The following ANKFN1 variants were observed in gnomAD, a reference collection of about 807,000 sequenced individuals.
The protein encoded by ANKFN1 is ankyrin repeat and fibronectin type III domain containing 1.
In ANKFN1, 74 loss-of-function variants were observed where a neutral mutation model predicts 108.7. That is an observed-to-expected ratio of 0.68 (90% CI 0.56 to 0.83). ANKFN1 has a LOEUF of 0.83. ANKFN1 is among the 40% of genes least tolerant of loss of function. ANKFN1 has a pLI of 0.00. For synonymous variants in ANKFN1, 547 were observed against 516.2 expected, an observed-to-expected ratio of 1.06 and a Z score of -0.81; for missense variants, 1,505 against 1,382.3, an observed-to-expected ratio of 1.09 and a Z score of -1.41.
At chr17:56,258,179 T>A (rs933658564) in intron 3 of ANKFN1, 2 of 152,248 alleles carry the variant, frequency 1.3e-5, no homozygotes, top group Non-Finnish European at 2.9e-5. Flanking sequence ...TTATTTGCCA[T>A]GAAATCTTCA....
At chr17:56,208,424 C>T (rs1231878750) in intron 1 of ANKFN1, among the ~76,000 whole-genome samples, 1 of 152,170 alleles carries the variant, frequency 6.6e-6, no homozygotes, top group African/African-American at 2.4e-5. Context: ...ACTTCACCCC[C>T]TCCCTGCCCC....
At chr17:56,050,648 G>A (rs1290169711) in intron 4 of ANKFN1, among the ~76,000 whole-genome samples, 3 of 151,350 alleles carry the variant, frequency 2.0e-5, no homozygotes, top group Admixed American at 2.0e-4. Flanking sequence ...ATTAAATAGG[G>A]AATCCTTTCC....
At chr17:56,101,610 C>T (rs868518486) in intron 4 of ANKFN1, among the ~76,000 whole-genome samples, 8 of 152,222 alleles carry the variant, frequency 5.3e-5, no homozygotes, top group African/African-American at 1.7e-4. Context: ...CAACCTGTCA[C>T]TGGCACAACC....
rs910399999 is a variant in ANKFN1, at chr17:56,077,604, A to G, written c.288+31279A>G. ...TTTTCACATTTGGCTTATTTTGTGC[A>G]TTTTCTAAACCAGTCTTTACTCCCC... On this transcript the variant is annotated intron_variant, in intron 4 of 12. Coordinates refer to the ANKFN1 transcript ENST00000635860. 2.0e-5 allele frequency among the ~76,000 whole-genome samples: 3 copies of G among 152,188 alleles called. 1 individual carries two copies. The South Asian group carries it at 6.2e-4, about 32-fold the overall frequency.
chr17:56,059,184 A>C (rs953021087), intron 4 of ANKFN1, among the ~76,000 whole-genome samples: 1 of 152,072 alleles, frequency 6.6e-6, no homozygotes, highest in Non-Finnish European at 1.5e-5. Flanking sequence ...TCTAATGATC[A>C]GTGATGTTGA....
intron 8 of ANKFN1, among the ~76,000 whole-genome samples, chr17:56,417,800 T>C (rs575023918): frequency 1.3e-5 from 2 of 152,308 alleles, no homozygotes; most frequent in Admixed American, 1.3e-4. Flanking sequence ...CTCTAGACTT[T>C]CCATTTTTTT....
intron 4 of ANKFN1, among the ~76,000 whole-genome samples, chr17:56,139,305 A>C (rs996070861): frequency 3.3e-5 from 5 of 152,172 alleles, no homozygotes; most frequent in Non-Finnish European, 5.9e-5. Flanking sequence ...AATTTACTAT[A>C]CTGATAAATT....
At chr17:56,461,823 A>G (rs912032848) in intron 14 of ANKFN1, among the ~76,000 whole-genome samples, 1 of 152,210 alleles carries the variant, frequency 6.6e-6, no homozygotes, top group African/African-American at 2.4e-5. Flanking sequence ...ATATCTGTCA[A>G]TCCAAACCCA....
chr17:56,419,005 T>C (rs542830990), intron 8 of ANKFN1, among the ~76,000 whole-genome samples: 48 of 152,142 alleles, frequency 3.2e-4, no homozygotes, highest in Non-Finnish European at 5.1e-4. Flanking sequence ...TGCTGAGAAC[T>C]CTTAGGACTT....
chr17:56,075,831 G>A (rs1240628614), intron 4 of ANKFN1, among the ~76,000 whole-genome samples: 1 of 152,086 alleles, frequency 6.6e-6, no homozygotes, highest in East Asian at 1.9e-4. Flanking sequence ...GAAGTTAACT[G>A]GGATCCTGAA....
intron 8 of ANKFN1, among the ~76,000 whole-genome samples, chr17:56,436,659 G>C (rs1008796854): frequency 1.3e-5 from 2 of 151,778 alleles, no homozygotes; most frequent in Non-Finnish European, 2.9e-5. Flanking sequence ...ATGAAACCCC[G>C]TCTCTACTAA....
Position 56,467,791 on chromosome 17 carries a change from GAAGAAAGAAAGAAAGAAAGAAAGA to G in ANKFN1, c.1773+1259_1773+1282del, listed in dbSNP as rs1555660585. Among the ~76,000 whole-genome samples the G allele has an allele frequency of 1.2e-3, 66 of 55,050 alleles. 1 individual carries two copies. The highest frequency in any genetic ancestry group is 9.4e-3 in the Middle Eastern group (1 of 106). 36.1% of individuals were successfully genotyped at this position (55,050 alleles called of 152,430 possible). On this transcript the variant is annotated intron_variant, in intron 15 of 20. Transcript: ENST00000682825. ...AGAAAGAAAGAAAGAAAGAAAGAAA[GAAGAAAGAAAGAAAGAAAGAAAGA>G]AAGAAAGAAAGAAAGAAAGAAAGAA...
chr17:56,488,015 C>T (rs1205612410), intron 18 of ANKFN1, among the ~76,000 whole-genome samples: 3 of 152,150 alleles, frequency 2.0e-5, no homozygotes, highest in Admixed American at 6.5e-5. Flanking sequence ...CAAAATCATA[C>T]ATGGCTACTT....
At chr17:56,309,673 G>T (rs555859084) in intron 3 of ANKFN1, among the ~76,000 whole-genome samples, 67 of 152,040 alleles carry the variant, frequency 4.4e-4, no homozygotes, top group African/African-American at 1.5e-3. Context: ...CTAAAATCCT[G>T]GATAATACTG....
chr17:56,148,770 A>C (rs1025411314), upstream of ANKFN1, among the ~76,000 whole-genome samples: 13 of 152,236 alleles, frequency 8.5e-5, no homozygotes, highest in Non-Finnish European at 7.3e-5. Context: ...ACTTTCCTTC[A>C]GATTCTTTTG....
At chr17:56,467,021 G>T (rs1224030052) in intron 15 of ANKFN1, among the ~76,000 whole-genome samples, 1 of 152,128 alleles carries the variant, frequency 6.6e-6, no homozygotes, top group Non-Finnish European at 1.5e-5. Context: ...GGGGGCTGAG[G>T]CGGGGAGAAT....
intron 4 of ANKFN1, among the ~76,000 whole-genome samples, chr17:56,137,459 A>G (rs1323717965): frequency 6.6e-6 from 1 of 152,134 alleles, no homozygotes; most frequent in African/African-American, 2.4e-5. Context: ...GAAACTTCCA[A>G]TCTACCCATT....
At chr17:56,202,202 G>A (rs1356575214) in intron 1 of ANKFN1, among the ~76,000 whole-genome samples, 2 of 152,184 alleles carry the variant, frequency 1.3e-5, no homozygotes, top group Admixed American at 1.3e-4. Flanking sequence ...AACCCTCATG[G>A]TACCCAGAGT....
At chr17:56,126,550 G>T (rs1906946081) in intron 4 of ANKFN1, among the ~76,000 whole-genome samples, 1 of 152,180 alleles carries the variant, frequency 6.6e-6, no homozygotes, top group Non-Finnish European at 1.5e-5. Context: ...GTCGGCCACA[G>T]AATTCTTTCA....
Sources: gnomAD v4.1 joint callset for allele counts (sites outside exome capture counted in the v4.1 genomes callset) on GRCh38, gnomAD v4.1.1 for gene constraint, MANE v1.5 for transcripts, NCBI Gene and HGNC (gene_info 2026-07-23, HGNC 2026-07-21) for gene names.